SGTB: variants seen among roughly 807,000 people sequenced by gnomAD.
SGTB encodes small glutamine-rich tetratricopeptide repeat-containing protein beta.
SGTB carries 19 observed loss-of-function variants against 43.9 expected under a neutral mutation model. That is an observed-to-expected ratio of 0.43 (90% CI 0.30 to 0.63). The LOEUF (loss-of-function observed/expected upper bound fraction) is 0.63. SGTB is among the 30% of genes least tolerant of loss of function. The probability of loss-of-function intolerance (pLI) is 0.12; values close to 1 mark genes in which losing one functional copy is unlikely to be tolerated. For synonymous variants in SGTB, 116 were observed against 117.3 expected (o/e 0.99, Z 0.07); for missense variants, 304 against 358.9 (o/e 0.85, Z 1.24).
chr5:65,719,691 G>T (rs1024886912), intron 2 of SGTB, among the ~76,000 whole-genome samples: 3 of 152,152 alleles, frequency 2.0e-5, no homozygotes, highest in African/African-American at 4.8e-5. Context: ...ACCTTGTTAT[G>T]GTTGTACTGA....
intron 4 of SGTB, among the ~76,000 whole-genome samples, chr5:65,706,827 A>C (rs1279588715): frequency 6.6e-6 from 1 of 151,880 alleles, no homozygotes; most frequent in East Asian, 1.9e-4. Flanking sequence ...GCCAGACTCC[A>C]TCTCAAAAAA....
At chr5:65,713,145 T>C (rs1218118455) in intron 2 of SGTB, 81 bp from the exon 3 acceptor site, 10 of 946,238 alleles carry the variant, frequency 1.1e-5, no homozygotes, top group Non-Finnish European at 1.5e-5. Flanking sequence ...AGAACTGCAA[T>C]GTATGGAAAT....
intron 5 of SGTB, among the ~76,000 whole-genome samples, chr5:65,699,909 TA>T (rs1757781649): frequency 6.6e-6 from 1 of 152,206 alleles, no homozygotes; most frequent in African/African-American, 2.4e-5. Flanking sequence ...TAGAATTTGA[TA>T]GGGGCAAAAC....
chr5:65,678,391 G>A (rs1316149960), intron 8 of SGTB, among the ~76,000 whole-genome samples: 1 of 152,150 alleles, frequency 6.6e-6, no homozygotes, highest in East Asian at 1.9e-4. Flanking sequence ...ATGGATAGAA[G>A]AATCAAAATC....
At chr5:65,695,886 C>G (rs943406235) in intron 5 of SGTB, among the ~76,000 whole-genome samples, 2 of 152,146 alleles carry the variant, frequency 1.3e-5, no homozygotes, top group Non-Finnish European at 2.9e-5. Flanking sequence ...CCTTATTTTA[C>G]AAGTGAGGAA....
intron 10 of SGTB, 69 bp downstream of exon 10, chr5:65,671,846 C>G: frequency 7.2e-7 from 1 of 1,394,826 alleles, no homozygotes; most frequent in Non-Finnish European, 1.0e-6. Flanking sequence ...AGCCCTGACC[C>G]CTCACCATAG....
chr5:65,684,752 CATGTTG>C (rs1757463793), intron 6 of SGTB, among the ~76,000 whole-genome samples: 1 of 151,634 alleles, frequency 6.6e-6, no homozygotes, highest in African/African-American at 2.4e-5. Flanking sequence ...GGGGTTTCAC[CATGTTG>C]GGCAGGCTGG....
chr5:65,697,485 T>G (rs546430644), intron 5 of SGTB, among the ~76,000 whole-genome samples: 153 of 152,314 alleles, frequency 1.0e-3, no homozygotes, highest in Non-Finnish European at 1.7e-3. Flanking sequence ...AATATTTGTA[T>G]CTGGTTACAA....
At chr5:65,683,459 A>T (rs1757437412) in intron 6 of SGTB, among the ~76,000 whole-genome samples, 1 of 152,202 alleles carries the variant, frequency 6.6e-6, no homozygotes, top group Non-Finnish European at 1.5e-5. Context: ...TCAACTGTAG[A>T]TGAATTTTAA....
At chr5:65,706,474 C>T (rs1346811399) in intron 4 of SGTB, among the ~76,000 whole-genome samples, 1 of 152,028 alleles carries the variant, frequency 6.6e-6, no homozygotes, top group Non-Finnish European at 1.5e-5. Context: ...AAATATTATA[C>T]ACATATATAC....
At chr5:65,687,019 G>A (rs1579862998) in intron 5 of SGTB, among the ~76,000 whole-genome samples, 1 of 152,142 alleles carries the variant, frequency 6.6e-6, no homozygotes, top group African/African-American at 2.4e-5. Flanking sequence ...ATGAACAGAT[G>A]TGTTATGTAA....
upstream of SGTB, chr5:65,722,484 C>G: frequency 7.3e-7 from 1 of 1,371,088 alleles, no homozygotes; most frequent in East Asian, 2.7e-5. Context: ...GTGCCTGGAG[C>G]CCGGACCCAC....
intron 4 of SGTB, 116 bp downstream of exon 4, chr5:65,708,373 G>A (rs944582379): frequency 3.8e-6 from 3 of 799,610 alleles, no homozygotes; most frequent in Non-Finnish European, 5.9e-6. Context: ...TAATTGCCAT[G>A]TGCACTTATG....
At chr5:65,703,785 C>G (rs1247353272) in intron 5 of SGTB, among the ~76,000 whole-genome samples, 2 of 151,422 alleles carry the variant, frequency 1.3e-5, no homozygotes, top group Non-Finnish European at 2.9e-5. Context: ...CGCCTGTAAT[C>G]CCAGCACTTT....
chr5:65,709,754 C>A (rs1175432472), intron 3 of SGTB, among the ~76,000 whole-genome samples: 2 of 152,078 alleles, frequency 1.3e-5, no homozygotes, highest in Non-Finnish European at 2.9e-5. Flanking sequence ...TGAGCAGCCA[C>A]CACACCTGGG....
rs578073008 is a variant in SGTB at position 65,691,994 on chromosome 5, T to C, written c.375-6522A>G. Among the ~76,000 whole-genome samples the C allele has an allele frequency of 3.4e-3, 518 of 151,414 alleles. 4 individuals carry two copies. The highest frequency in any genetic ancestry group is 0.011 in the African/African-American group (474 of 41,328). On this transcript the variant is annotated intron_variant, in intron 5 of 10. Transcript: ENST00000381007. ...ATACACGACCAGTTTAAAGGGGCTC[T>C]CATTAGCCAAATGTGGGATAATTTA... is the stretch of plus-strand genomic sequence containing the variant.
At chr5:65,676,588 A>G (rs1336251494) in intron 8 of SGTB, among the ~76,000 whole-genome samples, 4 of 152,160 alleles carry the variant, frequency 2.6e-5, no homozygotes, top group African/African-American at 9.7e-5. Flanking sequence ...AGTGGACCTG[A>G]TATCTACAGA....
chr5:65,716,634 C>T (rs2150725256), intron 2 of SGTB, among the ~76,000 whole-genome samples: 1 of 152,228 alleles, frequency 6.6e-6, no homozygotes, highest in African/African-American at 2.4e-5. Context: ...AAAGATGACG[C>T]TGACATAAAC....
chr5:65,682,996 C>T (rs1757428341), intron 6 of SGTB, among the ~76,000 whole-genome samples: 1 of 151,908 alleles, frequency 6.6e-6, no homozygotes, highest in African/African-American at 2.4e-5. Context: ...ATGTGTGTTT[C>T]TGATTAAAGA....
Sources: gnomAD v4.1 joint callset for allele counts (sites outside exome capture counted in the v4.1 genomes callset) on GRCh38, gnomAD v4.1.1 for gene constraint, MANE v1.5 for transcripts, NCBI Gene and HGNC (gene_info 2026-07-23, HGNC 2026-07-21) for gene names.